Variants in PLXNA4 observed in about 807,000 individuals in gnomAD.
The protein encoded by PLXNA4 is plexin-A4.
In PLXNA4, 44 loss-of-function variants were observed where a neutral mutation model predicts 191.8. The ratio of observed to expected loss-of-function variants is 0.23; its 90% confidence interval spans 0.18 to 0.29. The LOEUF is 0.29. Among genes scored for constraint, PLXNA4 ranks in the 10% least tolerant of loss-of-function variants. PLXNA4 has a pLI of 1.00. For synonymous variants in PLXNA4, 1,082 were observed against 1,009.5 expected, an observed-to-expected ratio of 1.07 and a Z score of -1.36; for missense variants, 1,800 against 2,488.8, an observed-to-expected ratio of 0.72 and a Z score of 5.89.
chr7:132,257,900 A>G (rs1799488854), intron 4 of PLXNA4, among the ~76,000 whole-genome samples: 1 of 152,240 alleles, frequency 6.6e-6, no homozygotes, highest in South Asian at 2.1e-4. Flanking sequence ...TTTCTGTGCC[A>G]TTCACCCTGG....
chr7:132,418,083 C>T (rs1794723729), intron 3 of PLXNA4, among the ~76,000 whole-genome samples: 1 of 152,208 alleles, frequency 6.6e-6, no homozygotes, highest in African/African-American at 2.4e-5. Context: ...ACCTAGCCAA[C>T]CAACCCCAGC....
chr7:132,180,826 G>C, intron 18 of PLXNA4, 94 bp from the exon 19 acceptor site: 1 of 1,515,922 alleles, frequency 6.6e-7, no homozygotes, highest in East Asian at 2.3e-5. Context: ...GTCCCATCCC[G>C]CTGGTGAGCT....
chr7:132,621,584 G>A (rs1803268844), intron 2 of PLXNA4, among the ~76,000 whole-genome samples: 1 of 152,094 alleles, frequency 6.6e-6, no homozygotes, highest in Non-Finnish European at 1.5e-5. Context: ...ATACATTGCT[G>A]CAAAGGTATC....
rs151179709 is a variant in PLXNA4 at position 132,508,651 on chromosome 7, G to T, written c.43C>A (p.Leu15Ile). The change falls in exon 2 of 32, where the codon CTC becomes ATC. Residue 15 changes from leucine to isoleucine, a missense_variant. This residue lies in a region of PLXNA4 where 1,397 missense variants were observed against 1,880.4 expected (regional missense o/e 0.74). Transcript: ENST00000321063. The surrounding 1 kb of genome is among the most constrained non-coding windows in gnomAD (Gnocchi z 4.4). ...GAGGAGCCCATGCCCACCATGAGGAGGTGGGAGAGAAGGCAGGTCCAGTTC... is the reference window on the plus strand; with the variant it reads ...GAGGAGCCCATGCCCACCATGAGGATGTGGGAGAGAAGGCAGGTCCAGTTC... ...PWNWTCLLSH[L>I]LMVGMGSSTL... The T allele has an allele frequency of 3.9e-5, 62 of 1,581,734 alleles. No homozygotes were observed. Among genetic ancestry groups the T allele is most frequent in the Non-Finnish European group, 4.9e-5 (57 of 1,163,486 alleles).
intron 29 of PLXNA4, 139 bp from the exon 30 acceptor site, chr7:132,140,950 T>A: frequency 7.0e-7 from 1 of 1,427,622 alleles, no homozygotes; most frequent in South Asian, 1.5e-5. Flanking sequence ...GCGGATGGGA[T>A]GTGCCAGGGA....
intron 3 of PLXNA4, among the ~76,000 whole-genome samples, chr7:132,363,857 A>G (rs950335163): frequency 2.0e-5 from 3 of 152,266 alleles, no homozygotes; most frequent in Admixed American, 6.5e-5. Context: ...ATAAAGGTTG[A>G]AGAAATTCAA....
At chr7:132,316,306 A>G (rs539128318) in intron 3 of PLXNA4, among the ~76,000 whole-genome samples, 1 of 152,264 alleles carries the variant, frequency 6.6e-6, no homozygotes, top group African/African-American at 2.4e-5. Context: ...GGAACAATAC[A>G]TTTCTTTGCA....
At chr7:132,636,219 A>G (rs1440510995) in intron 2 of PLXNA4, among the ~76,000 whole-genome samples, 2 of 152,258 alleles carry the variant, frequency 1.3e-5, no homozygotes, top group Non-Finnish European at 2.9e-5. Flanking sequence ...TTTCATAGCC[A>G]AAAGCCAGAA....
At chr7:132,142,135 A>G (rs1203573983) in intron 29 of PLXNA4, among the ~76,000 whole-genome samples, 1 of 152,222 alleles carries the variant, frequency 6.6e-6, no homozygotes, top group Non-Finnish European at 1.5e-5. Context: ...TGTGCCCTGC[A>G]GTCTGCTATT....
At position 132,124,379 on chromosome 7, in the gene PLXNA4, C is replaced by T. The variant is rs879047353; in HGVS notation, c.*6100G>A. ...CTGGATTGCGGCTGACTTCTGTGCA[C>T]GAAAGTGTTCCTTAGTCCTGTTTGG... is the stretch of plus-strand genomic sequence containing the variant. On this transcript the variant is annotated 3_prime_UTR_variant, in exon 32 of 32. Transcript: ENST00000321063. 2.6e-5 allele frequency: 4 copies of T among 152,206 alleles called. No individual in the cohort carries two copies. The highest frequency in any genetic ancestry group is 2.1e-4 in the South Asian group (1 of 4,828). 9.4% of individuals were successfully genotyped at this position (152,206 alleles called of 1,614,324 possible).
At chr7:132,220,197 C>CTTT (rs1316680364) in intron 9 of PLXNA4, among the ~76,000 whole-genome samples, 2 of 152,172 alleles carry the variant, frequency 1.3e-5, no homozygotes, top group African/African-American at 4.8e-5. Flanking sequence ...TTTCACTGAC[C>CTTT]CCAAATGGCT....
chr7:132,132,984 T>A, intron 31 of PLXNA4, 65 bp downstream of exon 31: 1 of 1,571,582 alleles, frequency 6.4e-7, no homozygotes, highest in Middle Eastern at 1.9e-4. Flanking sequence ...TACGGAGGCA[T>A]GCAGGGTTGT....
rs756962656 is a variant in PLXNA4, at chr7:132,133,147, C to A, written c.5491G>T (p.Ala1831Ser). Reference sequence around the variant, plus strand: ...ATCCGGGACTGCTCAGCCAGGTATGCGTTCATGTCTTGGTCGCTGATGGCT... The same window carrying A: ...ATCCGGGACTGCTCAGCCAGGTATGAGTTCATGTCTTGGTCGCTGATGGCT... Reference protein sequence around the residue: ...MPAISDQDMNAYLAEQSRMHM... With the variant: ...MPAISDQDMNSYLAEQSRMHM... Residue 1831 changes from alanine (A) to serine (S), a missense_variant, in exon 31 of 32, where the codon GCA becomes TCA. Ala to Ser is a moderately conservative substitution (Grantham distance 99, BLOSUM62 1). Around this residue, in one of 6 missense-constraint regions of PLXNA4, gnomAD observed 83 missense variants for 81.6 expected, o/e 1.02. Transcript: ENST00000321063. 3 of 1,614,132 alleles carry A rather than the reference C, an allele frequency of 1.9e-6. No homozygotes were observed. The highest frequency in any genetic ancestry group is 1.7e-6 in the Non-Finnish European group (2 of 1,180,028).
At chr7:132,225,655 C>T (rs892768453) in intron 8 of PLXNA4, among the ~76,000 whole-genome samples, 4 of 152,000 alleles carry the variant, frequency 2.6e-5, no homozygotes, top group African/African-American at 4.8e-5. Context: ...TGGCCCTTAC[C>T]AGCCTGTCTG....
intron 3 of PLXNA4, among the ~76,000 whole-genome samples, chr7:132,451,070 C>A (rs1796103729): frequency 6.6e-6 from 1 of 152,208 alleles, no homozygotes; most frequent in South Asian, 2.1e-4. Context: ...TAACCCCCAG[C>A]CACTTTTGTG....
chr7:132,334,706 C>A (rs1309769698), intron 3 of PLXNA4, among the ~76,000 whole-genome samples: 1 of 152,150 alleles, frequency 6.6e-6, no homozygotes, highest in African/African-American at 2.4e-5. Flanking sequence ...GGGGGAATGG[C>A]GGCCCCTAAA....
intron 3 of PLXNA4, among the ~76,000 whole-genome samples, chr7:132,326,149 T>C (rs1802349324): frequency 1.3e-5 from 2 of 152,042 alleles, no homozygotes; most frequent in Non-Finnish European, 2.9e-5. Flanking sequence ...AACAAAAAGG[T>C]GGAGGAAGGG....
intron 3 of PLXNA4, among the ~76,000 whole-genome samples, chr7:132,388,473 C>T (rs967203523): frequency 2.0e-5 from 3 of 152,038 alleles, no homozygotes; most frequent in South Asian, 2.1e-4. Context: ...TATTCCACCA[C>T]GATGATAATT....
At chr7:132,223,865 C>T (rs947381774) in intron 8 of PLXNA4, among the ~76,000 whole-genome samples, 5 of 152,150 alleles carry the variant, frequency 3.3e-5, no homozygotes, top group Admixed American at 1.3e-4. Flanking sequence ...CTGACAACCC[C>T]GTTCCCCCAA....
Sources: allele counts gnomAD v4.1 joint callset (sites outside exome capture counted in the v4.1 genomes callset), GRCh38; gene constraint gnomAD v4.1.1; regional missense constraint gnomAD v4.1.1; non-coding constraint Gnocchi (gnomAD v3.1); transcripts MANE v1.5; gene names NCBI Gene and HGNC (gene_info 2026-07-23, HGNC 2026-07-21).